Variants in ADAMTSL1 observed in about 807,000 individuals in gnomAD.
ADAMTSL1 encodes ADAMTS like 1.
In ADAMTSL1, 126 loss-of-function variants were observed where a neutral mutation model predicts 201.8. That is an observed-to-expected ratio of 0.62 (90% CI 0.54 to 0.72). ADAMTSL1 has a LOEUF of 0.72. Ranked by LOEUF, ADAMTSL1 falls within the 30% of genes least tolerant of loss-of-function variation. The probability of loss-of-function intolerance (pLI) is 0.00; values close to 1 mark genes in which losing one functional copy is unlikely to be tolerated. For missense variants in ADAMTSL1, 2,679 were observed against 2,277.8 expected (o/e 1.18, Z -3.59); for synonymous variants, 1,121 against 903.4 (o/e 1.24, Z -4.32).
intron 2 of ADAMTSL1, among the ~76,000 whole-genome samples, chr9:18,238,291 T>C (rs532053073): frequency 2.6e-5 from 4 of 152,210 alleles, no homozygotes; most frequent in Non-Finnish European, 5.9e-5. Flanking sequence ...TAAAATTCTT[T>C]CATTACACTT....
At chr9:18,181,350 A>G (rs1828465969) in intron 2 of ADAMTSL1, among the ~76,000 whole-genome samples, 2 of 152,236 alleles carry the variant, frequency 1.3e-5, no homozygotes, top group African/African-American at 2.4e-5. Flanking sequence ...TGAACAGGCA[A>G]TCTACAAAAT....
At chr9:18,219,011 C>G (rs1830153800) in intron 2 of ADAMTSL1, among the ~76,000 whole-genome samples, 1 of 151,886 alleles carries the variant, frequency 6.6e-6, no homozygotes. Context: ...ATTTGTAGTG[C>G]TACATCTGTC....
intron 1 of ADAMTSL1, among the ~76,000 whole-genome samples, chr9:18,001,554 C>G (rs1455109108): frequency 6.6e-6 from 1 of 151,960 alleles, no homozygotes; most frequent in Non-Finnish European, 1.5e-5. Flanking sequence ...CGGGCTGATT[C>G]AAAGAAGGTT....
At chr9:17,971,300 G>A (rs1003539379) in intron 1 of ADAMTSL1, among the ~76,000 whole-genome samples, 6 of 152,002 alleles carry the variant, frequency 3.9e-5, no homozygotes, top group African/African-American at 1.4e-4. Flanking sequence ...ATAGTTTCTT[G>A]TCTATTCAAC....
chr9:18,327,587 T>G (rs990383237), intron 2 of ADAMTSL1, among the ~76,000 whole-genome samples: 2 of 152,222 alleles, frequency 1.3e-5, no homozygotes, highest in Non-Finnish European at 2.9e-5. Context: ...ACTTGGGGTT[T>G]CTAAAGCCAC....
At chr9:17,919,361 C>T (rs751180026) in intron 1 of ADAMTSL1, among the ~76,000 whole-genome samples, 4 of 151,744 alleles carry the variant, frequency 2.6e-5, no homozygotes, top group South Asian at 4.1e-4. Context: ...CCATTTTAAA[C>T]GGTTCTGGTT....
chr9:18,261,384 T>A (rs542782620), intron 2 of ADAMTSL1, among the ~76,000 whole-genome samples: 22 of 152,242 alleles, frequency 1.4e-4, no homozygotes, highest in African/African-American at 5.3e-4. Flanking sequence ...CACAGATAAA[T>A]AATAACATTT....
At chr9:18,517,942 G>C (rs534657244) in intron 2 of ADAMTSL1, among the ~76,000 whole-genome samples, 6 of 152,188 alleles carry the variant, frequency 3.9e-5, no homozygotes, top group African/African-American at 1.4e-4. Flanking sequence ...CTTTATAACA[G>C]TTCCTTCTGT....
intron 2 of ADAMTSL1, among the ~76,000 whole-genome samples, chr9:18,241,337 C>T (rs1049913326): frequency 6.6e-6 from 1 of 152,016 alleles, no homozygotes; most frequent in African/African-American, 2.4e-5. Flanking sequence ...TTGCTGTTGC[C>T]TCTGTAGAAC....
At chr9:18,701,212 CTTTTTTTTT>C (rs35537367) in intron 13 of ADAMTSL1, among the ~76,000 whole-genome samples, 3 of 87,698 alleles carry the variant, frequency 3.4e-5, no homozygotes, top group Non-Finnish European at 6.8e-5. Context: ...CTTTTGGGTT[CTTTTTTTTT>C]TTTTTTTTTT....
intron 2 of ADAMTSL1, among the ~76,000 whole-genome samples, chr9:18,435,323 TATTC>T (rs1489339273): frequency 6.6e-6 from 1 of 152,206 alleles, no homozygotes; most frequent in African/African-American, 2.4e-5. Context: ...CTTTAGCAAA[TATTC>T]ATTTATTTGT....
intron 3 of ADAMTSL1, among the ~76,000 whole-genome samples, chr9:18,571,816 A>T (rs374999708): frequency 2.6e-5 from 4 of 152,336 alleles, no homozygotes; most frequent in African/African-American, 9.6e-5. Context: ...TATCTTTGGA[A>T]TGTGAGTTCA....
At chr9:18,029,797 C>G (rs546906167) in intron 1 of ADAMTSL1, among the ~76,000 whole-genome samples, 1 of 152,116 alleles carries the variant, frequency 6.6e-6, no homozygotes. Context: ...CATGAAAAAA[C>G]GCTCTTCATC....
intron 1 of ADAMTSL1, among the ~76,000 whole-genome samples, chr9:17,990,566 C>A (rs1478642294): frequency 1.3e-5 from 2 of 151,850 alleles, no homozygotes; most frequent in Non-Finnish European, 1.5e-5. Context: ...CACTTATTGA[C>A]CTTATTTATT....
At chr9:18,709,770 G>A (rs1003506818) in intron 14 of ADAMTSL1, among the ~76,000 whole-genome samples, 2 of 152,134 alleles carry the variant, frequency 1.3e-5, no homozygotes, top group Non-Finnish European at 1.5e-5. Flanking sequence ...CTCTGAGCCT[G>A]ATCAGCTTTA....
chr9:18,790,789 CA>C (rs1821988254), intron 19 of ADAMTSL1, among the ~76,000 whole-genome samples: 1 of 151,790 alleles, frequency 6.6e-6, no homozygotes, highest in Non-Finnish European at 1.5e-5. Context: ...GAAGTAGGGT[CA>C]AAGAAGTAAA....
chr9:18,202,304 C>T (rs1829482441), intron 2 of ADAMTSL1, among the ~76,000 whole-genome samples: 1 of 152,112 alleles, frequency 6.6e-6, no homozygotes, highest in South Asian at 2.1e-4. Context: ...ACAAAACAAG[C>T]TATATAATAT....
chr9:18,282,619 C>T (rs563860223), intron 2 of ADAMTSL1, among the ~76,000 whole-genome samples: 6 of 152,262 alleles, frequency 3.9e-5, no homozygotes, highest in Non-Finnish European at 7.4e-5. Flanking sequence ...AGTACGTGGC[C>T]GGGTGCAGTG....
chr9:18,098,437 G>A (rs1824350244), intron 1 of ADAMTSL1, among the ~76,000 whole-genome samples: 1 of 152,110 alleles, frequency 6.6e-6, no homozygotes, highest in Non-Finnish European at 1.5e-5. Flanking sequence ...TTTGTAGTAT[G>A]CAGTACACAG....
Sources: gnomAD v4.1 joint callset for allele counts (sites outside exome capture counted in the v4.1 genomes callset) on GRCh38, gnomAD v4.1.1 for gene constraint, MANE v1.5 for transcripts, NCBI Gene and HGNC (gene_info 2026-07-23, HGNC 2026-07-21) for gene names.